Variants in PEX5L observed in about 807,000 individuals in gnomAD.
PEX5L encodes peroxisomal biogenesis factor 5 like.
PEX5L carries 30 observed loss-of-function variants against 84.0 expected under a neutral mutation model. That is an observed-to-expected ratio of 0.36 (90% confidence interval 0.27 to 0.48). The LOEUF is 0.48. Ranked by LOEUF, PEX5L falls within the 20% of genes least tolerant of loss-of-function variation. The probability of loss-of-function intolerance (pLI) is 0.99; values close to 1 mark genes in which losing one functional copy is unlikely to be tolerated. For missense variants in PEX5L, 533 were observed against 754.6 expected (o/e 0.71, Z 3.44); for synonymous variants, 270 against 283.1 (o/e 0.95, Z 0.46).
At chr3:179,874,183 T>G in intron 7 of PEX5L, 144 bp downstream of exon 7, 26 of 466,352 alleles carry the variant, frequency 5.6e-5, no homozygotes, top group Admixed American at 7.8e-5. Context: ...TTTTAAGTAT[T>G]GAGATAGCTA....
At chr3:179,955,478 C>CTTTTTT (rs397967053) in intron 2 of PEX5L, among the ~76,000 whole-genome samples, 1 of 53,748 alleles carries the variant, frequency 1.9e-5, no homozygotes, top group African/African-American at 7.9e-5. Flanking sequence ...CTGCTATGCT[C>CTTTTTT]TTTTTTTTTT....
intron 2 of PEX5L, among the ~76,000 whole-genome samples, chr3:179,935,965 A>G (rs1578672057): frequency 6.6e-6 from 1 of 152,314 alleles, no homozygotes; most frequent in East Asian, 1.9e-4. Context: ...GGCCCCCACC[A>G]GAAGCTGAGC....
intron 8 of PEX5L, among the ~76,000 whole-genome samples, chr3:179,853,279 G>A (rs922534767): frequency 2.6e-5 from 4 of 152,240 alleles, no homozygotes; most frequent in Non-Finnish European, 4.4e-5. Context: ...TCTGATGAAT[G>A]TGTTGCTAAA....
intron 3 of PEX5L, among the ~76,000 whole-genome samples, chr3:179,888,582 G>A (rs536566662): frequency 6.0e-5 from 9 of 150,324 alleles, no homozygotes; most frequent in African/African-American, 7.3e-5. Flanking sequence ...GCCGAGTTAT[G>A]TTTCTACGGT....
chr3:179,971,806 C>A, intron 1 of PEX5L, 141 bp from the exon 2 acceptor site: 1 of 814,064 alleles, frequency 1.2e-6, no homozygotes, highest in Non-Finnish European at 1.8e-6. Flanking sequence ...TGCTCATGTA[C>A]AACAGCAAAT....
chr3:179,895,752 TAC>T (rs1759055854), intron 3 of PEX5L: 1 of 152,156 alleles, frequency 6.6e-6, no homozygotes, highest in Non-Finnish European at 1.5e-5. Flanking sequence ...ATTCTACACT[TAC>T]AGTCTGTTGA....
rs1022111587 is a variant in PEX5L, at chr3:180,018,164, C to T, written c.21+18415G>A. ...CCCACCAAAGGCAGTGTTCTGGTTC[C>T]TCATCTATTAATATATACCATATAC... On this transcript the variant is annotated intron_variant, in intron 1 of 14. Transcript: ENST00000467460. 4.3e-4 allele frequency among the ~76,000 whole-genome samples: 65 copies of T among 152,154 alleles called. 1 individual carries two copies. The highest frequency in any genetic ancestry group is 1.3e-4 in the Admixed American group (2 of 15,278).
intron 2 of PEX5L, among the ~76,000 whole-genome samples, chr3:179,915,122 T>G (rs766908704): frequency 1.3e-5 from 2 of 152,206 alleles, no homozygotes; most frequent in African/African-American, 2.4e-5. Context: ...CTTTGCTCAG[T>G]GTCATACATA....
At chr3:179,991,251 T>A (rs1787350082) in intron 1 of PEX5L, among the ~76,000 whole-genome samples, 1 of 152,176 alleles carries the variant, frequency 6.6e-6, no homozygotes, top group African/African-American at 2.4e-5. Context: ...AGGCCACAAA[T>A]AATTTCAAGT....
At chr3:179,986,495 C>T (rs531417710) in intron 1 of PEX5L, among the ~76,000 whole-genome samples, 9 of 150,904 alleles carry the variant, frequency 6.0e-5, no homozygotes, top group South Asian at 4.2e-4. Context: ...CTCCGCCTCC[C>T]GGGTTCACGC....
At chr3:179,974,724 G>A (rs577450598) in intron 1 of PEX5L, among the ~76,000 whole-genome samples, 10 of 152,090 alleles carry the variant, frequency 6.6e-5, no homozygotes, top group Non-Finnish European at 1.5e-4. Context: ...TGCATTAGAT[G>A]GGTAACTTTC....
chr3:180,024,774 GTA>G (rs1478041302), intron 1 of PEX5L, among the ~76,000 whole-genome samples: 1 of 152,012 alleles, frequency 6.6e-6, no homozygotes, highest in South Asian at 2.1e-4. Context: ...TTACAACAGG[GTA>G]TAAGCAAATG....
At chr3:179,995,204 A>T (rs1235460150) in intron 1 of PEX5L, among the ~76,000 whole-genome samples, 1 of 148,086 alleles carries the variant, frequency 6.8e-6, no homozygotes, top group Admixed American at 6.8e-5. Context: ...TATAGTGTGT[A>T]TATATACACA....
At chr3:179,907,596 G>A (rs142492762) in intron 2 of PEX5L, among the ~76,000 whole-genome samples, 1 of 152,140 alleles carries the variant, frequency 6.6e-6, no homozygotes, top group African/African-American at 2.4e-5. Flanking sequence ...TTACAGGCAT[G>A]AGCCATCATG....
intron 2 of PEX5L, among the ~76,000 whole-genome samples, chr3:179,921,236 G>C (rs551472427): frequency 2.8e-4 from 42 of 152,012 alleles, no homozygotes; most frequent in African/African-American, 1.0e-3. Flanking sequence ...TTCCACATTG[G>C]GTAATGTGGA....
At position 179,801,930 on chromosome 3, in the gene PEX5L, G is replaced by A. The variant is rs375677885; in HGVS notation, c.1779C>T (p.Ala593=). 1.4e-5 allele frequency: 22 copies of A among 1,613,636 alleles called. 1 individual carries two copies. Among genetic ancestry groups the A allele is most frequent in the Non-Finnish European group, 1.8e-5 (21 of 1,179,764 alleles). Residue 593 remains alanine (A), a synonymous_variant, in exon 15 of 15, where the codon GCC becomes GCT. Coordinates refer to ENST00000467460, the MANE Select transcript of PEX5L (RefSeq NM_016559.3). The part of the protein sequence containing the change: ...HPAISGNIWA[A]LRIALSLMDQ... ...CCATCAGAGAGAGCGCAATTCTGAG[G>A]GCAGCCCAGATATTCCCAGAGATTG...
chr3:180,003,769 T>C (rs923893793), intron 1 of PEX5L, among the ~76,000 whole-genome samples: 2 of 152,182 alleles, frequency 1.3e-5, no homozygotes, highest in Non-Finnish European at 2.9e-5. Context: ...TTAATGCTCC[T>C]TAAAAGGCTA....
chr3:179,939,624 C>T (rs1775517651), intron 2 of PEX5L, among the ~76,000 whole-genome samples: 1 of 152,128 alleles, frequency 6.6e-6, no homozygotes, highest in Admixed American at 6.6e-5. Context: ...CCCAGTTAGG[C>T]CCCTCATTTA....
chr3:179,935,866 G>C lies in PEX5L; in HGVS notation c.93+35728C>G, dbSNP rs1774434235. 2.0e-5 allele frequency among the ~76,000 whole-genome samples: 3 copies of C among 152,262 alleles called. No individual in the cohort carries two copies. The South Asian group carries it at 6.2e-4, about 32-fold the overall frequency. Reference sequence around the variant, plus strand: ...ACTGGATTAGTTAGTGTGAGAATGGGTTGCTATAAAGTGAAGTTCCTCCTC... The same window carrying C: ...ACTGGATTAGTTAGTGTGAGAATGGCTTGCTATAAAGTGAAGTTCCTCCTC... On this transcript the variant is annotated intron_variant, in intron 2 of 14. Coordinates refer to ENST00000467460, the MANE Select transcript of PEX5L (RefSeq NM_016559.3).
Sources: gnomAD v4.1 joint callset for allele counts (sites outside exome capture counted in the v4.1 genomes callset) on GRCh38, gnomAD v4.1.1 for gene constraint, MANE v1.5 for transcripts, NCBI Gene and HGNC (gene_info 2026-07-23, HGNC 2026-07-21) for gene names.